The following RAB20 variants were observed in gnomAD, a reference collection of about 807,000 sequenced individuals.
RAB20 encodes the protein RAB20, member RAS oncogene family, also known as ras-related protein Rab-20.
In RAB20, 2 loss-of-function variants were observed where a neutral mutation model predicts 3.7. The observed-to-expected ratio is 0.54, with a 90% CI of 0.22 to 1.69. The LOEUF (loss-of-function observed/expected upper bound fraction) is 1.69. RAB20 is among the 40% of genes most tolerant of loss of function. The pLI is 0.19. For synonymous variants in RAB20, 126 were observed against 130.8 expected (o/e 0.96, Z 0.25); for missense variants, 276 against 311.9 (o/e 0.88, Z 0.87).
At chr13:110,553,432 A>C (rs575380130) in intron 1 of RAB20, among the ~76,000 whole-genome samples, 1 of 152,184 alleles carries the variant, frequency 6.6e-6, no homozygotes, top group Non-Finnish European at 1.5e-5. Flanking sequence ...TTAGAGAAGC[A>C]TTGTCTCCTT....
intron 1 of RAB20, among the ~76,000 whole-genome samples, chr13:110,556,045 A>G (rs1209110640): frequency 6.6e-6 from 1 of 152,170 alleles, no homozygotes; most frequent in Non-Finnish European, 1.5e-5. Flanking sequence ...TAACTGGCTG[A>G]CTCCTAACAA....
chr13:110,561,489 G>C lies in RAB20; in HGVS notation c.31C>G (p.Leu11Val), dbSNP rs1885133365. ...GTCTTCCCCACGTTCATGTCCCCCA[G>C]GAGCACGATCTTGCTGTCGGGCTTC... MRKPDSKIVL[L>V]GDMNVGKTSL... The change falls in exon 1 of 2, where the codon CTG (leucine) becomes GTG (valine). Residue 11 changes from leucine (L) to valine (V), a missense_variant. Leu to Val is a conservative substitution (Grantham distance 32, BLOSUM62 1). Coordinates refer to ENST00000267328, the MANE Select transcript of RAB20 (RefSeq NM_017817.3). 1.9e-6 allele frequency: 3 copies of C among 1,591,988 alleles called. No individual in the cohort carries two copies. Among genetic ancestry groups the C allele is most frequent in the Non-Finnish European group, 2.6e-6 (3 of 1,169,696 alleles).
intron 1 of RAB20, among the ~76,000 whole-genome samples, chr13:110,547,999 T>C (rs186875940): frequency 5.9e-5 from 9 of 152,320 alleles, no homozygotes; most frequent in Admixed American, 5.9e-4. Flanking sequence ...ATTCTATAAC[T>C]GTGAAGCTAC....
In RAB20 at chr13:110,561,460, C is replaced by A; in HGVS notation, c.60G>T (p.Ser20=). 1 of 1,603,402 alleles carries A rather than the reference C, an allele frequency of 6.2e-7. No individual in the cohort carries two copies. The highest frequency in any genetic ancestry group is 1.1e-5 in the South Asian group (1 of 90,572). ...GCCGCTCCATATACCGCTGCAGCAG[C>A]GACGTCTTCCCCACGTTCATGTCCC... ...LLGDMNVGKT[S]LLQRYMERRF... Residue 20 remains serine, a synonymous_variant, in exon 1 of 2, where the codon TCG becomes TCT. Transcript: ENST00000267328.
rs891568011 is a variant in RAB20 at position 110,537,093 on chromosome 13, G to A, written c.173-12896C>T. Among the ~76,000 whole-genome samples the A allele has an allele frequency of 2.6e-5, 4 of 151,420 alleles. No homozygotes were observed. In the East Asian group the frequency reaches 7.8e-4, roughly 29 times the overall value. The stretch of plus-strand genomic sequence containing the variant: ...ACCTCCCAGGTTCAAACAATCCTCT[G>A]CCTTAGACTCCCAAGTAGCTGGGAC... On this transcript the variant is annotated intron_variant, in intron 1 of 1. Transcript: ENST00000267328.
chr13:110,525,746 G>A (rs948527392), intron 1 of RAB20, among the ~76,000 whole-genome samples: 2 of 152,226 alleles, frequency 1.3e-5, no homozygotes, highest in Non-Finnish European at 2.9e-5. Context: ...CAGCCTTGGC[G>A]TGCTTTTCAT....
In RAB20 at chr13:110,523,483, T is replaced by C. The variant is rs2139571175; in HGVS notation, c.*182A>G. On this transcript the variant is annotated 3_prime_UTR_variant, in exon 2 of 2. Transcript: ENST00000267328. ...ACCTCCCCACCCCTCTGACAGAGAC[T>C]GAGGAGACCACACACGTTGACCTCC... The C allele has an allele frequency of 9.1e-7, 1 of 1,100,016 alleles. No homozygotes were observed. The highest frequency in any genetic ancestry group is 1.3e-6 in the Non-Finnish European group (1 of 792,630). 68.1% of individuals were successfully genotyped at this position (1,100,016 alleles called of 1,614,324 possible). A position where few individuals can be genotyped will look rare whatever the true frequency, so the allele number is the denominator to read the frequency against.
intron 1 of RAB20, among the ~76,000 whole-genome samples, chr13:110,533,897 C>T (rs867747012): frequency 3.9e-5 from 6 of 152,332 alleles, no homozygotes; most frequent in South Asian, 2.1e-4. Flanking sequence ...CCCACCAGTA[C>T]GTGGAAAGTG....
chr13:110,540,388 T>TTAA (rs1312854881), intron 1 of RAB20, among the ~76,000 whole-genome samples: 3 of 152,266 alleles, frequency 2.0e-5, no homozygotes, highest in Non-Finnish European at 4.4e-5. Context: ...TCAAAGCACA[T>TTAA]TTTAACCTGT....
chr13:110,561,433 G>T lies in RAB20; in HGVS notation c.87C>A (p.Arg29=). The T allele has an allele frequency of 6.2e-7, 1 of 1,609,716 alleles. No individual in the cohort carries two copies. The highest frequency in any genetic ancestry group is 8.5e-7 in the Non-Finnish European group (1 of 1,177,998). The part of the protein sequence containing the change: ...TSLLQRYMER[R]FPDTVSTVGG... ...CCACCGTGCTGACCGTGTCCGGGAA[G>T]CGCCGCTCCATATACCGCTGCAGCA... Residue 29 remains arginine (R), a synonymous_variant, in exon 1 of 2, where the codon CGC becomes CGA. Transcript: ENST00000267328.
chr13:110,532,704 A>T (rs1239753217), intron 1 of RAB20, among the ~76,000 whole-genome samples: 4 of 151,948 alleles, frequency 2.6e-5, no homozygotes, highest in Non-Finnish European at 4.4e-5. Context: ...TTTGAGACAG[A>T]GTCTTGCTCT....
intron 1 of RAB20, among the ~76,000 whole-genome samples, chr13:110,552,346 T>C (rs1459053997): frequency 1.4e-5 from 2 of 142,334 alleles, no homozygotes; most frequent in African/African-American, 5.3e-5. Flanking sequence ...GCCAGTGCAC[T>C]CCAGCCTGGG....
intron 1 of RAB20, among the ~76,000 whole-genome samples, chr13:110,544,173 T>G (rs897463406): frequency 6.6e-6 from 1 of 152,242 alleles, no homozygotes; most frequent in African/African-American, 2.4e-5. Context: ...CCAAAGGTTC[T>G]TGGCATCTTT....
At chr13:110,528,413 C>A (rs909942860) in intron 1 of RAB20, among the ~76,000 whole-genome samples, 70 of 122,388 alleles carry the variant, frequency 5.7e-4, no homozygotes, top group Admixed American at 8.7e-4. Context: ...AACTCCATCT[C>A]AAAAAAAAAA....
At chr13:110,526,471 C>G (rs893009823) in intron 1 of RAB20, among the ~76,000 whole-genome samples, 2 of 84,512 alleles carry the variant, frequency 2.4e-5, no homozygotes, top group African/African-American at 6.4e-5. Context: ...AGTGGCCCAT[C>G]ATTGGCAGCT....
At chr13:110,527,500 G>A (rs1291872061) in intron 1 of RAB20, among the ~76,000 whole-genome samples, 8 of 152,200 alleles carry the variant, frequency 5.3e-5, no homozygotes, top group African/African-American at 1.2e-4. Context: ...GTCAAAGTGC[G>A]AGAGCTACCC....
Position 110,558,469 on chromosome 13 carries a change from C to T in RAB20, c.172+2879G>A, listed in dbSNP as rs138817573. 1.2e-4 allele frequency among the ~76,000 whole-genome samples: 17 copies of T among 147,668 alleles called. No homozygotes were observed. In the East Asian group the frequency reaches 3.0e-3, roughly 26 times the overall value. ...CGCAATCTTGGCTCACTGCAACCTCCGCCTCCAGGGTTCAAGCGATTCTCC... is the reference window on the plus strand; with the variant it reads ...CGCAATCTTGGCTCACTGCAACCTCTGCCTCCAGGGTTCAAGCGATTCTCC... On this transcript the variant is annotated intron_variant, in intron 1 of 1. Transcript: ENST00000267328.
intron 1 of RAB20, among the ~76,000 whole-genome samples, chr13:110,560,100 T>C (rs1319892639): frequency 2.6e-5 from 4 of 152,200 alleles, no homozygotes; most frequent in African/African-American, 4.8e-5. Context: ...TTGGGTTCGA[T>C]TTGACTTCTA....
At chr13:110,526,866 A>T (rs1412090115) in intron 1 of RAB20, among the ~76,000 whole-genome samples, 1 of 152,164 alleles carries the variant, frequency 6.6e-6, no homozygotes, top group Non-Finnish European at 1.5e-5. Context: ...TAATTTAAAA[A>T]GGCTCAAGAC....
Sources: gnomAD v4.1 joint callset for allele counts (sites outside exome capture counted in the v4.1 genomes callset) on GRCh38, gnomAD v4.1.1 for gene constraint, MANE v1.5 for transcripts, NCBI Gene and HGNC (gene_info 2026-07-23, HGNC 2026-07-21) for gene names.